The following CDH9 variants were observed in gnomAD, a reference collection of about 807,000 sequenced individuals.
The protein encoded by CDH9 is cadherin-9.
A neutral mutation model predicts 70.9 loss-of-function variants in CDH9; 28 were observed. The observed-to-expected ratio is 0.40, with a 90% confidence interval of 0.29 to 0.54. The LOEUF is 0.54. CDH9 is among the 20% of genes least tolerant of loss of function. CDH9 has a pLI of 0.59. For synonymous variants in CDH9, 409 were observed against 343.1 expected (o/e 1.19, Z -2.12); for missense variants, 874 against 984.4 (o/e 0.89, Z 1.50).
chr5:26,944,819 C>T lies in CDH9; in HGVS notation c.229-28895G>A, dbSNP rs115743755. Among the ~76,000 whole-genome samples the T allele has an allele frequency of 1.9e-3, 284 of 152,158 alleles. 2 individuals carry two copies. Among genetic ancestry groups the T allele is most frequent in the African/African-American group, 6.5e-3 (269 of 41,526 alleles). On this transcript the variant is annotated intron_variant, in intron 2 of 11. Transcript: ENST00000231021. ...AAAAATATGCATTTCAGCTCCATTT[C>T]CAACACCGACAGGAAGCTAATCTCA... is the stretch of plus-strand genomic sequence containing the variant.
intron 1 of CDH9, among the ~76,000 whole-genome samples, chr5:27,030,061 G>A (rs142837918): frequency 9.2e-4 from 140 of 152,122 alleles, no homozygotes; most frequent in Middle Eastern, 3.4e-3. Context: ...TCAAGCCTCA[G>A]TTTTTCTTAA....
At chr5:26,918,081 C>T (rs1741178560) in intron 2 of CDH9, among the ~76,000 whole-genome samples, 1 of 152,106 alleles carries the variant, frequency 6.6e-6, no homozygotes, top group Non-Finnish European at 1.5e-5. Context: ...GATAATCTGG[C>T]CCTGAATTCC....
At chr5:27,022,578 A>G (rs973771063) in intron 1 of CDH9, among the ~76,000 whole-genome samples, 3 of 152,150 alleles carry the variant, frequency 2.0e-5, no homozygotes, top group Non-Finnish European at 4.4e-5. Context: ...TGGCTGAAAC[A>G]TATGTTTCTT....
intron 2 of CDH9, among the ~76,000 whole-genome samples, chr5:26,962,980 A>T (rs1742064021): frequency 6.6e-6 from 1 of 152,194 alleles, no homozygotes; most frequent in Non-Finnish European, 1.5e-5. Flanking sequence ...TCCTACAGAA[A>T]AATTTATTCT....
At chr5:26,986,123 T>C (rs948044896) in intron 2 of CDH9, among the ~76,000 whole-genome samples, 1 of 152,096 alleles carries the variant, frequency 6.6e-6, no homozygotes, top group Non-Finnish European at 1.5e-5. Context: ...TTTGCTGAGG[T>C]GTCTATTTCA....
intron 1 of CDH9, among the ~76,000 whole-genome samples, chr5:27,004,394 C>A (rs1742823835): frequency 6.6e-6 from 1 of 151,928 alleles, no homozygotes; most frequent in African/African-American, 2.4e-5. Flanking sequence ...GTCTTGCAAC[C>A]CATAAATTTA....
intron 1 of CDH9, among the ~76,000 whole-genome samples, chr5:27,001,493 G>A (rs1460929064): frequency 6.6e-6 from 1 of 152,086 alleles, no homozygotes; most frequent in Non-Finnish European, 1.5e-5. Context: ...AGGTTACCAT[G>A]ATCCATGGGG....
intron 3 of CDH9, among the ~76,000 whole-genome samples, chr5:26,910,224 CATCTATCTATCTATCT>C (rs61512455): frequency 0.033 from 4,893 of 149,292 alleles, 109 homozygotes; most frequent in Non-Finnish European, 0.047. Context: ...ATCTATCATC[CATCTATCTATCTATCT>C]ATCTATCTAT....
chr5:26,997,062 T>TAA (rs1170681610), intron 1 of CDH9, among the ~76,000 whole-genome samples: 1 of 152,176 alleles, frequency 6.6e-6, no homozygotes, highest in East Asian at 1.9e-4. Flanking sequence ...CTTTTGCTAA[T>TAA]GGTTTATCAA....
At chr5:26,977,683 T>C (rs1437557173) in intron 2 of CDH9, among the ~76,000 whole-genome samples, 4 of 151,990 alleles carry the variant, frequency 2.6e-5, no homozygotes, top group Middle Eastern at 6.8e-3. Context: ...GGTTAACAAT[T>C]GAAAGGAGAA....
chr5:26,952,808 A>G (rs1261495244), intron 2 of CDH9, among the ~76,000 whole-genome samples: 2 of 150,848 alleles, frequency 1.3e-5, no homozygotes, highest in African/African-American at 2.4e-5. Flanking sequence ...TGGAGGCTTT[A>G]TAAGAAAAGG....
intron 2 of CDH9, among the ~76,000 whole-genome samples, chr5:26,985,781 T>C (rs1299502995): frequency 1.3e-5 from 2 of 152,142 alleles, no homozygotes; most frequent in African/African-American, 2.4e-5. Context: ...GGTTGAGGTC[T>C]ACCCAGGGAG....
intron 2 of CDH9, among the ~76,000 whole-genome samples, chr5:26,980,855 G>T (rs1742387060): frequency 6.6e-6 from 1 of 151,964 alleles, no homozygotes; most frequent in African/African-American, 2.4e-5. Flanking sequence ...TTATAATAGA[G>T]AAATTCTTTA....
At chr5:26,946,967 C>T (rs73073552) in intron 2 of CDH9, among the ~76,000 whole-genome samples, 4 of 152,080 alleles carry the variant, frequency 2.6e-5, no homozygotes, top group African/African-American at 4.8e-5. Context: ...CAGGGATGAA[C>T]GCTTGAATGC....
intron 2 of CDH9, among the ~76,000 whole-genome samples, chr5:26,939,965 A>G (rs1741631729): frequency 6.6e-6 from 1 of 152,062 alleles, no homozygotes; most frequent in Admixed American, 6.6e-5. Context: ...GCCTGGCCAA[A>G]TGGAGAAACC....
intron 2 of CDH9, among the ~76,000 whole-genome samples, chr5:26,963,486 T>C (rs1191574675): frequency 6.6e-6 from 1 of 152,160 alleles, no homozygotes; most frequent in Non-Finnish European, 1.5e-5. Context: ...TTTCAGCCCA[T>C]CGAGAACATT....
chr5:26,921,422 A>T (rs925476654), intron 2 of CDH9, among the ~76,000 whole-genome samples: 3 of 152,154 alleles, frequency 2.0e-5, no homozygotes, highest in African/African-American at 7.2e-5. Context: ...ATTGGGTAGA[A>T]TTTGTATCCA....
chr5:26,955,180 A>C (rs138645466), intron 2 of CDH9, among the ~76,000 whole-genome samples: 1 of 152,274 alleles, frequency 6.6e-6, no homozygotes, highest in East Asian at 1.9e-4. Context: ...ATTGGACCCC[A>C]CTATCTGAAA....
intron 1 of CDH9, among the ~76,000 whole-genome samples, chr5:26,999,303 C>T (rs1037268065): frequency 7.9e-5 from 12 of 151,906 alleles, no homozygotes; most frequent in Non-Finnish European, 1.3e-4. Flanking sequence ...TATTCATTCT[C>T]CAAAGCTGAT....
Sources: allele counts gnomAD v4.1 joint callset (sites outside exome capture counted in the v4.1 genomes callset), GRCh38; gene constraint gnomAD v4.1.1; transcripts MANE v1.5; gene names NCBI Gene and HGNC (gene_info 2026-07-23, HGNC 2026-07-21).